SLC9A9: variants seen among roughly 807,000 people sequenced by gnomAD.
The protein encoded by SLC9A9 is sodium/hydrogen exchanger 9.
Under a neutral mutation model 77.8 loss-of-function variants are expected in SLC9A9, and 62 were observed. The ratio of observed to expected loss-of-function variants is 0.80; its 90% CI spans 0.65 to 0.98. SLC9A9 has a LOEUF of 0.98. SLC9A9 is among the 50% of genes least tolerant of loss of function. The pLI is 0.00. For missense variants in SLC9A9, 775 were observed against 774.9 expected, an observed-to-expected ratio of 1.00 and a Z score of 0.00; for synonymous variants, 320 against 283.5, an observed-to-expected ratio of 1.13 and a Z score of -1.29.
chr3:143,837,161 T>A (rs2108893681), intron 1 of SLC9A9, among the ~76,000 whole-genome samples: 1 of 152,344 alleles, frequency 6.6e-6, no homozygotes, highest in African/African-American at 2.4e-5. Context: ...TCTCTTTGGC[T>A]GTGTTCAACA....
chr3:143,779,638 T>C (rs2007809749), intron 4 of SLC9A9, among the ~76,000 whole-genome samples: 1 of 152,214 alleles, frequency 6.6e-6, no homozygotes, highest in African/African-American at 2.4e-5. Context: ...CCCAAAGTGC[T>C]GGGATTACAA....
intron 6 of SLC9A9, among the ~76,000 whole-genome samples, chr3:143,651,365 G>C (rs2038790973): frequency 6.6e-6 from 1 of 151,930 alleles, no homozygotes; most frequent in South Asian, 2.1e-4. Flanking sequence ...AATGTCAACT[G>C]GCAAAAAGAA....
At chr3:143,441,834 TCATCCATCCATC>T (rs796090893) in intron 12 of SLC9A9, among the ~76,000 whole-genome samples, 1 of 129,596 alleles carries the variant, frequency 7.7e-6, no homozygotes, top group Non-Finnish European at 1.8e-5. Flanking sequence ...ATTTACTCAT[TCATCCATCCATC>T]CATCCATCCA....
At chr3:143,301,199 C>G (rs1354979641) in intron 14 of SLC9A9, among the ~76,000 whole-genome samples, 14 of 152,248 alleles carry the variant, frequency 9.2e-5, no homozygotes, top group Non-Finnish European at 1.5e-5. Context: ...TGCTGCCCAT[C>G]TCCCAAATTG....
chr3:143,443,034 G>T (rs2034775869), intron 12 of SLC9A9, among the ~76,000 whole-genome samples: 1 of 152,126 alleles, frequency 6.6e-6, no homozygotes, highest in African/African-American at 2.4e-5. Flanking sequence ...GTATGACTAA[G>T]GACTCCATTT....
chr3:143,702,162 C>A (rs1316162240), intron 4 of SLC9A9, among the ~76,000 whole-genome samples: 1 of 152,120 alleles, frequency 6.6e-6, no homozygotes, highest in Admixed American at 6.5e-5. Flanking sequence ...ACAAGAAATG[C>A]TGAAGAGAGT....
At chr3:143,748,018 C>T (rs1321232503) in intron 4 of SLC9A9, among the ~76,000 whole-genome samples, 1 of 152,112 alleles carries the variant, frequency 6.6e-6, no homozygotes, top group Non-Finnish European at 1.5e-5. Context: ...CCTAAGTCTG[C>T]GATTGAGCCA....
At chr3:143,366,113 G>A (rs976520579) in intron 13 of SLC9A9, among the ~76,000 whole-genome samples, 11 of 152,142 alleles carry the variant, frequency 7.2e-5, no homozygotes, top group African/African-American at 2.7e-4. Context: ...GCAGTGTTGT[G>A]GTGAGCTATA....
chr3:143,812,215 C>T (rs2008887433), intron 2 of SLC9A9, among the ~76,000 whole-genome samples: 1 of 152,218 alleles, frequency 6.6e-6, no homozygotes, highest in Non-Finnish European at 1.5e-5. Context: ...AAAATGTTAA[C>T]TGTTGATACC....
intron 13 of SLC9A9, among the ~76,000 whole-genome samples, chr3:143,364,301 C>T (rs781140915): frequency 2.0e-5 from 3 of 151,452 alleles, no homozygotes; most frequent in Non-Finnish European, 4.4e-5. Context: ...GGAGGGTATC[C>T]AGTGGCGTTT....
intron 5 of SLC9A9, among the ~76,000 whole-genome samples, chr3:143,678,341 G>A (rs1394218864): frequency 1.3e-5 from 2 of 151,722 alleles, no homozygotes; most frequent in Admixed American, 1.3e-4. Flanking sequence ...TATGGATTCT[G>A]GTTTTCCATT....
At chr3:143,598,336 C>T (rs1167373917) in intron 6 of SLC9A9, among the ~76,000 whole-genome samples, 1 of 152,208 alleles carries the variant, frequency 6.6e-6, no homozygotes, top group Non-Finnish European at 1.5e-5. Context: ...TGTAATGGCA[C>T]TCCTGTCTTT....
At chr3:143,511,908 T>C (rs2036121666) in intron 9 of SLC9A9, among the ~76,000 whole-genome samples, 1 of 152,232 alleles carries the variant, frequency 6.6e-6, no homozygotes, top group African/African-American at 2.4e-5. Context: ...ATATCATTTC[T>C]TATATGCCTT....
chr3:143,304,463 G>C (rs894466970), intron 14 of SLC9A9, among the ~76,000 whole-genome samples: 13 of 152,216 alleles, frequency 8.5e-5, no homozygotes, highest in Non-Finnish European at 1.8e-4. Flanking sequence ...TGATAAGTTT[G>C]AGTTTTACAA....
intron 6 of SLC9A9, among the ~76,000 whole-genome samples, chr3:143,650,626 T>C (rs370500758): frequency 1.3e-5 from 2 of 152,210 alleles, no homozygotes; most frequent in African/African-American, 2.4e-5. Context: ...TTATTTTACA[T>C]TGGAGCTCAC....
intron 9 of SLC9A9, among the ~76,000 whole-genome samples, chr3:143,549,146 A>C (rs2036838838): frequency 6.6e-6 from 1 of 152,250 alleles, no homozygotes; most frequent in African/African-American, 2.4e-5. Flanking sequence ...GAAGGGACAC[A>C]GTGGCAACCT....
At chr3:143,847,472 A>G (rs1220197772) in intron 1 of SLC9A9, 1 of 152,248 alleles carries the variant, frequency 6.6e-6, no homozygotes, top group Admixed American at 6.5e-5. Context: ...ATATTTTTCC[A>G]CACCTTGGCC....
chr3:143,754,798 C>T lies in SLC9A9; in HGVS notation c.533+40203G>A, dbSNP rs2006868294. 2.6e-5 allele frequency among the ~76,000 whole-genome samples: 4 copies of T among 152,228 alleles called. No individual in the cohort carries two copies. The South Asian group carries it at 6.2e-4, about 24-fold the overall frequency. On this transcript the variant is annotated intron_variant, in intron 4 of 15. Coordinates refer to ENST00000316549, the MANE Select transcript of SLC9A9 (RefSeq NM_173653.4). The stretch of plus-strand genomic sequence containing the variant: ...GTTATCACAGAAACTCCTCCAAAAC[C>T]GATCTTTTCAGGCATTAAGCCACTT...
rs187467556 is a variant in SLC9A9, at chr3:143,698,143, G to A, written c.534-4836C>T. ...CACGATGACTCAGGACAGGATAGAC[G>A]CAATTTGATGGACGAGAGATTCTGG... On this transcript the variant is annotated intron_variant, in intron 4 of 15. Transcript: ENST00000316549. 3.4e-3 allele frequency: 528 copies of A among 153,626 alleles called. 2 individuals are homozygous for A. Among genetic ancestry groups the A allele is most frequent in the Middle Eastern group, 0.014 (4 of 294 alleles). The allele number at this position is 153,626 out of a possible 1,614,324, so 9.5% of individuals were successfully genotyped here. A position where few individuals can be genotyped will look rare whatever the true frequency, so the allele number is the denominator to read the frequency against.
Sources: allele counts gnomAD v4.1 joint callset (sites outside exome capture counted in the v4.1 genomes callset), GRCh38; gene constraint gnomAD v4.1.1; transcripts MANE v1.5; gene names NCBI Gene and HGNC (gene_info 2026-07-23, HGNC 2026-07-21).